The following SYNE2 variants were observed in gnomAD, a reference collection of about 807,000 sequenced individuals.
The protein encoded by SYNE2 is spectrin repeat containing nuclear envelope protein 2.
A neutral mutation model predicts 856.3 loss-of-function variants in SYNE2; 431 were observed. The ratio of observed to expected loss-of-function variants is 0.50; its 90% CI spans 0.47 to 0.55. The LOEUF (loss-of-function observed/expected upper bound fraction) is 0.55. Ranked by LOEUF, SYNE2 falls within the 20% of genes least tolerant of loss-of-function variation. SYNE2 has a pLI of 0.00. For synonymous variants in SYNE2, 2,923 were observed against 2,872.3 expected (o/e 1.02, Z -0.56); for missense variants, 8,129 against 8,023.2 (o/e 1.01, Z -0.50).
At position 64,196,145 on chromosome 14, in the gene SYNE2, A is replaced by G. The variant is rs17101710; in HGVS notation, c.18038+5908A>G. Among the ~76,000 whole-genome samples the G allele has an allele frequency of 3.7e-3, 557 of 152,238 alleles. 1 individual carries two copies. Among genetic ancestry groups the G allele is most frequent in the African/African-American group, 0.013 (535 of 41,524 alleles). ...TTAGATGCAGCATTTTGGGAGAACT[A>G]TTGCCAGATCTGCACTTCTGATTCC... On this transcript the variant is annotated intron_variant, in intron 99 of 115. Coordinates refer to ENST00000555002, the MANE Select transcript of SYNE2 (RefSeq NM_182914.3).
In SYNE2 at chr14:63,978,853, A is replaced by C. The variant is rs754935552; in HGVS notation, c.1408A>C (p.Ile470Leu). ...TCCAAAACCTGCACTGTTTTCCAGA[A>C]TCAACAACATTTTGGAGAAAAAATT... ...PNKLEEMKRR[I>L]NNILEKKFIL... The change falls in exon 14 of 116, where the codon ATC becomes CTC. Residue 470 changes from isoleucine (I) to leucine (L), a missense_variant and splice_region_variant. By Grantham distance (5) the Ile-to-Leu change is conservative. This residue lies in a region of SYNE2 where 2,422 missense variants were observed against 2,357.4 expected (regional missense o/e 1.03). Coordinates refer to ENST00000555002, the MANE Select transcript of SYNE2 (RefSeq NM_182914.3). 5.0e-6 allele frequency: 8 copies of C among 1,611,820 alleles called. No homozygotes were observed. The highest frequency in any genetic ancestry group is 6.8e-6 in the Non-Finnish European group (8 of 1,178,528).
chr14:63,948,135 G>T (rs568969323), intron 6 of SYNE2, among the ~76,000 whole-genome samples: 1 of 144,058 alleles, frequency 6.9e-6, no homozygotes, highest in Non-Finnish European at 1.5e-5. Context: ...ACACGTGTGC[G>T]TGCGCGCACA....
rs968727314 is a variant in SYNE2, at chr14:64,215,662, G to A, written c.19402+308G>A. 3 of 501,548 alleles carry A rather than the reference G, an allele frequency of 6.0e-6. No homozygotes were observed. The Admixed American group carries it at 1.1e-4, about 18-fold the overall frequency. The allele number at this position is 501,548 out of a possible 1,614,324, so 31.1% of individuals were successfully genotyped here. A position where few individuals can be genotyped will look rare whatever the true frequency, so the allele number is the denominator to read the frequency against. ...ATCTAACTGAAGTCCTTTGGCATGG[G>A]CCAAGCTTTCTTCATGGTGGCTTGG... is the stretch of plus-strand genomic sequence containing the variant. On this transcript the variant is annotated intron_variant, in intron 107 of 115. Coordinates refer to ENST00000555002, the MANE Select transcript of SYNE2 (RefSeq NM_182914.3).
chr14:64,219,859 C>T (rs2098686526), intron 110 of SYNE2, among the ~76,000 whole-genome samples: 1 of 152,166 alleles, frequency 6.6e-6, no homozygotes, highest in South Asian at 2.1e-4. Context: ...GACCTCATTA[C>T]CCTTTTATGC....
chr14:64,021,783 T>C (rs982899357), intron 36 of SYNE2, 74 bp from the exon 37 acceptor site: 26 of 1,508,906 alleles, frequency 1.7e-5, no homozygotes, highest in Non-Finnish European at 2.3e-5. Flanking sequence ...TACAAAACAA[T>C]TGAGATCTAA....
chr14:64,079,719 A>G (rs2097502903), intron 55 of SYNE2, among the ~76,000 whole-genome samples: 1 of 151,964 alleles, frequency 6.6e-6, no homozygotes, highest in Admixed American at 6.6e-5. Flanking sequence ...TTCTTTTTTT[A>G]AATTTTTGAG....
intron 1 of SYNE2, among the ~76,000 whole-genome samples, chr14:63,776,201 A>G (rs1887099634): frequency 6.6e-6 from 1 of 152,218 alleles, no homozygotes; most frequent in Admixed American, 6.6e-5. Flanking sequence ...AATCAGATAA[A>G]TTATTGCATG....
At chr14:63,999,905 G>A (rs946631423) in intron 27 of SYNE2, among the ~76,000 whole-genome samples, 1 of 152,310 alleles carries the variant, frequency 6.6e-6, no homozygotes, top group Non-Finnish European at 1.5e-5. Context: ...TTGCTCAAGT[G>A]ATGGATTTAG....
chr14:64,199,139 G>A (rs1596166161), intron 99 of SYNE2, among the ~76,000 whole-genome samples: 2 of 152,194 alleles, frequency 1.3e-5, no homozygotes, highest in Non-Finnish European at 2.9e-5. Flanking sequence ...CCAGGTTGTA[G>A]CATCTACTAT....
At chr14:64,055,052 G>A (rs2097258144) in intron 48 of SYNE2, among the ~76,000 whole-genome samples, 1 of 152,158 alleles carries the variant, frequency 6.6e-6, no homozygotes. Flanking sequence ...TGAACTGGAA[G>A]GGACCTTTAT....
chr14:64,024,482 A>C (rs767674794), intron 39 of SYNE2, 23 bp downstream of exon 39: 1 of 1,605,586 alleles, frequency 6.2e-7, no homozygotes, highest in East Asian at 2.2e-5. Context: ...GATGATATCT[A>C]AATAACATGT....
rs573277359 is a variant in SYNE2 at position 64,038,505 on chromosome 14, G to A, written c.7221+7148G>A. Among the ~76,000 whole-genome samples, 65 of 152,332 alleles carry A rather than the reference G, an allele frequency of 4.3e-4. No homozygotes were observed. The East Asian group carries it at 0.012, about 28-fold the overall frequency. On this transcript the variant is annotated intron_variant, in intron 45 of 115. Transcript: ENST00000555002. ...CCAAGGCAGGCGGCTGGGAGGTGGA[G>A]GTTGTAGCGAGCCGAGATCACGCCA...
chr14:64,178,809 A>G (rs187391474), intron 96 of SYNE2, among the ~76,000 whole-genome samples: 1 of 152,296 alleles, frequency 6.6e-6, no homozygotes, highest in Admixed American at 6.5e-5. Flanking sequence ...GGTGGCTCAC[A>G]ACTATAATCC....
At chr14:63,818,641 G>T (rs747809473) in intron 1 of SYNE2, among the ~76,000 whole-genome samples, 10 of 151,046 alleles carry the variant, frequency 6.6e-5, no homozygotes, top group Non-Finnish European at 1.5e-5. Flanking sequence ...AAGATTAAAG[G>T]TTTTTCCCTA....
intron 94 of SYNE2, among the ~76,000 whole-genome samples, chr14:64,174,172 A>G (rs540791614): frequency 2.0e-5 from 3 of 151,998 alleles, no homozygotes; most frequent in Admixed American, 6.5e-5. Flanking sequence ...CCCAGGTTAA[A>G]GTGATTCTTG....
At chr14:63,827,353 G>A (rs1399197952) in intron 1 of SYNE2, among the ~76,000 whole-genome samples, 2 of 151,298 alleles carry the variant, frequency 1.3e-5, no homozygotes, top group African/African-American at 2.4e-5. Flanking sequence ...GGCCGGGCGC[G>A]GTGGCTCACG....
Position 64,225,737 on chromosome 14 carries a change from G to T in SYNE2, c.*211G>T, listed in dbSNP as rs2098716065. 1.1e-5 allele frequency: 7 copies of T among 620,734 alleles called. No homozygotes were observed. Among genetic ancestry groups the T allele is most frequent in the Non-Finnish European group, 2.0e-5 (7 of 348,440 alleles). 38.5% of individuals were successfully genotyped at this position (620,734 alleles called of 1,614,324 possible). On this transcript the variant is annotated 3_prime_UTR_variant, in exon 116 of 116. Coordinates refer to ENST00000555002, the MANE Select transcript of SYNE2 (RefSeq NM_182914.3). ...GGAGCAGGGAACCTGTGTGGCAGGT[G>T]CCCCGGGTATTTTGGCAGAACTAGT... is the stretch of plus-strand genomic sequence containing the variant.
chr14:64,188,863 A>G (rs780574565), intron 98 of SYNE2, 155 bp downstream of exon 98: 2 of 807,976 alleles, frequency 2.5e-6, no homozygotes, highest in South Asian at 2.9e-5. Flanking sequence ...TTTTGAGAGA[A>G]CAGTTGGAAG....
chr14:63,862,054 A>AT (rs1234484835), intron 1 of SYNE2, among the ~76,000 whole-genome samples: 1 of 152,150 alleles, frequency 6.6e-6, no homozygotes, highest in African/African-American at 2.4e-5. Context: ...TTTGAAGCAA[A>AT]TTTTATACAT....
Sources: gnomAD v4.1 joint callset for allele counts (sites outside exome capture counted in the v4.1 genomes callset) on GRCh38, gnomAD v4.1.1 for gene constraint, gnomAD v4.1.1 regional missense constraint, MANE v1.5 for transcripts, NCBI Gene and HGNC (gene_info 2026-07-23, HGNC 2026-07-21) for gene names.